DGKB: variants seen among roughly 807,000 people sequenced by gnomAD.
DGKB encodes the protein diacylglycerol kinase beta.
DGKB carries 67 observed loss-of-function variants against 114.3 expected under a neutral mutation model. The ratio of observed to expected loss-of-function variants is 0.59; its 90% CI spans 0.48 to 0.72. The LOEUF (loss-of-function observed/expected upper bound fraction) is 0.72, where lower values mean the gene tolerates loss of function less well. DGKB is among the 30% of genes least tolerant of loss of function. The probability of loss-of-function intolerance (pLI) is 0.00; values close to 1 mark genes in which losing one functional copy is unlikely to be tolerated. For synonymous variants in DGKB, 398 were observed against 323.1 expected, an observed-to-expected ratio of 1.23 and a Z score of -2.49; for missense variants, 907 against 975.2, an observed-to-expected ratio of 0.93 and a Z score of 0.93.
intron 23 of DGKB, among the ~76,000 whole-genome samples, chr7:14,295,236 A>G (rs528938944): frequency 2.6e-4 from 39 of 152,322 alleles, no homozygotes; most frequent in Non-Finnish European, 4.4e-4. Context: ...AAAATGGCCT[A>G]TTTGGTAACA....
chr7:14,750,173 T>A (rs1367238947), intron 4 of DGKB: 1 of 517,974 alleles, frequency 1.9e-6, no homozygotes, highest in Non-Finnish European at 3.9e-6. Context: ...ACTGAAGACA[T>A]AAATATTTCT....
intron 1 of DGKB, among the ~76,000 whole-genome samples, chr7:14,856,174 C>T (rs1850123599): frequency 6.6e-6 from 1 of 152,042 alleles, no homozygotes; most frequent in South Asian, 2.1e-4. Context: ...AAGTGAATCA[C>T]TTTCAACTTA....
chr7:14,257,105 G>T (rs1398138296), intron 23 of DGKB, among the ~76,000 whole-genome samples: 1 of 152,150 alleles, frequency 6.6e-6, no homozygotes, highest in African/African-American at 2.4e-5. Context: ...CAAGGTTACA[G>T]TGAGCTATGA....
intron 1 of DGKB, among the ~76,000 whole-genome samples, chr7:14,886,627 CT>C (rs1301506022): frequency 6.6e-6 from 1 of 151,844 alleles, no homozygotes; most frequent in East Asian, 1.9e-4. Context: ...ACTACAATTT[CT>C]CTTTCTCACC....
intron 1 of DGKB, among the ~76,000 whole-genome samples, chr7:14,852,487 C>CAAAAAAAAAAAAAAAAACA: frequency 1.6e-5 from 1 of 63,636 alleles, no homozygotes; most frequent in African/African-American, 6.7e-5. Context: ...TAGTGAAAGT[C>CAAAAAAAAAAAAAAAAACA]AAAAAAAAAA....
chr7:14,955,566 A>G (rs1786454692), intron 1 of DGKB, among the ~76,000 whole-genome samples: 1 of 152,090 alleles, frequency 6.6e-6, no homozygotes, highest in Admixed American at 6.6e-5. Context: ...AATAACTAAC[A>G]GCATTGATGT....
intron 23 of DGKB, among the ~76,000 whole-genome samples, chr7:14,211,395 T>C (rs539139117): frequency 4.5e-5 from 4 of 88,070 alleles, no homozygotes; most frequent in Admixed American, 2.5e-4. Flanking sequence ...TACTCTCATG[T>C]TTTGTGATAT....
intron 21 of DGKB, among the ~76,000 whole-genome samples, chr7:14,402,878 T>C (rs1823355760): frequency 6.6e-6 from 1 of 151,920 alleles, no homozygotes; most frequent in Admixed American, 6.6e-5. Flanking sequence ...CTCCAGACTG[T>C]AACCTGAAAA....
chr7:14,471,629 G>C (rs1174755028), intron 21 of DGKB, among the ~76,000 whole-genome samples: 2 of 151,548 alleles, frequency 1.3e-5, no homozygotes, highest in African/African-American at 4.8e-5. Context: ...GGTTCTTGAA[G>C]GTTATGTACG....
At chr7:14,211,284 C>T (rs1787745811) in intron 23 of DGKB, among the ~76,000 whole-genome samples, 1 of 66,512 alleles carries the variant, frequency 1.5e-5, no homozygotes, top group South Asian at 3.2e-4. Flanking sequence ...TCCTTAGCCT[C>T]TACTATGTGA....
At chr7:14,438,862 A>G (rs530546534) in intron 21 of DGKB, among the ~76,000 whole-genome samples, 1 of 152,246 alleles carries the variant, frequency 6.6e-6, no homozygotes, top group South Asian at 2.1e-4. Context: ...TTTTAAAATC[A>G]AAGTAATAAG....
At chr7:14,551,545 T>C (rs1251286171) in intron 20 of DGKB, among the ~76,000 whole-genome samples, 2 of 152,106 alleles carry the variant, frequency 1.3e-5, no homozygotes, top group Non-Finnish European at 2.9e-5. Flanking sequence ...AAATCAATAC[T>C]CTATGTAGGG....
intron 1 of DGKB, among the ~76,000 whole-genome samples, chr7:14,972,114 T>C (rs1383211910): frequency 6.6e-6 from 1 of 152,118 alleles, no homozygotes; most frequent in East Asian, 1.9e-4. Context: ...CCAGTTTACA[T>C]TAGGTTCTAG....
chr7:14,506,316 A>C (rs1051599790), intron 20 of DGKB, among the ~76,000 whole-genome samples: 2 of 152,210 alleles, frequency 1.3e-5, no homozygotes, highest in African/African-American at 4.8e-5. Flanking sequence ...ATGATGTAAA[A>C]GTTTTTGTAA....
At chr7:14,729,745 A>G (rs1830645191) in intron 5 of DGKB, among the ~76,000 whole-genome samples, 1 of 152,166 alleles carries the variant, frequency 6.6e-6, no homozygotes, top group Non-Finnish European at 1.5e-5. Flanking sequence ...TAGTCAGTTC[A>G]AAAGTGGTTT....
chr7:14,568,010 G>T (rs980264583), intron 20 of DGKB, among the ~76,000 whole-genome samples: 3 of 152,052 alleles, frequency 2.0e-5, no homozygotes, highest in Non-Finnish European at 4.4e-5. Context: ...AAACAACTAT[G>T]GAAATTAAAC....
At chr7:14,568,720 T>C (rs1457476290) in intron 20 of DGKB, among the ~76,000 whole-genome samples, 1 of 152,200 alleles carries the variant, frequency 6.6e-6, no homozygotes, top group Non-Finnish European at 1.5e-5. Context: ...AAAGGGTCTA[T>C]AACAATGAAT....
intron 1 of DGKB, among the ~76,000 whole-genome samples, chr7:14,877,465 G>A (rs1391700385): frequency 1.3e-5 from 2 of 152,208 alleles, no homozygotes; most frequent in East Asian, 3.8e-4. Flanking sequence ...TGAGGCAGGA[G>A]AATCCCTTGA....
rs553857774 is a variant in DGKB, at chr7:14,499,090, A to G, written c.1771-20865T>C. Among the ~76,000 whole-genome samples, 5 of 151,906 alleles carry G rather than the reference A, an allele frequency of 3.3e-5. No homozygotes were observed. The East Asian group carries it at 9.7e-4, about 29-fold the overall frequency. ...GAGATGGGCATCATTCTAAAAAGATAACTCTGTGGTTCGGTTTTTGAGTTA... is the reference window on the plus strand; with the variant it reads ...GAGATGGGCATCATTCTAAAAAGATGACTCTGTGGTTCGGTTTTTGAGTTA... On this transcript the variant is annotated intron_variant, in intron 20 of 25. Transcript: ENST00000402815.
Sources: gnomAD v4.1 joint callset for allele counts (sites outside exome capture counted in the v4.1 genomes callset) on GRCh38, gnomAD v4.1.1 for gene constraint, MANE v1.5 for transcripts, NCBI Gene and HGNC (gene_info 2026-07-23, HGNC 2026-07-21) for gene names.